Variants in PTPRT observed in about 807,000 individuals in gnomAD.
PTPRT encodes the protein protein tyrosine phosphatase receptor type T.
In PTPRT, 56 loss-of-function variants were observed where a neutral mutation model predicts 176.8. That is an observed-to-expected ratio of 0.32 (90% confidence interval 0.26 to 0.40). The LOEUF is 0.40. PTPRT is among the 10% of genes least tolerant of loss of function. The pLI, the probability that PTPRT is intolerant of heterozygous loss-of-function variation, is 1.00. For synonymous variants in PTPRT, 783 were observed against 739.0 expected (o/e 1.06, Z -0.96); for missense variants, 1,540 against 1,908.2 (o/e 0.81, Z 3.60).
At chr20:42,987,607 C>T (rs1283267486) in intron 1 of PTPRT, among the ~76,000 whole-genome samples, 2 of 152,068 alleles carry the variant, frequency 1.3e-5, no homozygotes, top group East Asian at 1.9e-4. Flanking sequence ...CAAATGTCAG[C>T]CACCTCAGAC....
intron 2 of PTPRT, among the ~76,000 whole-genome samples, chr20:42,795,355 C>T (rs1014601755): frequency 3.3e-5 from 5 of 152,134 alleles, no homozygotes; most frequent in Admixed American, 6.5e-5. Context: ...ATAAGCGCCT[C>T]GTTATTGATG....
chr20:42,172,184 T>C (rs1472519608), intron 16 of PTPRT, among the ~76,000 whole-genome samples: 1 of 151,698 alleles, frequency 6.6e-6, no homozygotes, highest in Admixed American at 6.6e-5. Flanking sequence ...TAAAAAAACA[T>C]AGTCATTGAA....
At chr20:42,052,522 T>G in the PTPRT span, among the ~76,000 whole-genome samples, 1 of 152,334 alleles carries the variant, frequency 6.6e-6, no homozygotes, top group Admixed American at 6.5e-5. Flanking sequence ...CCATACCATT[T>G]TTTTTAGATC....
Position 42,590,395 on chromosome 20 carries a change from T to C in PTPRT, c.1153+87471A>G, listed in dbSNP as rs377315393. Reference sequence around the variant, plus strand: ...CCACTAAGGTTCTGGTGACTTAGCATGCAGCAATAGATAACTGGAGCAAGC... The same window carrying C: ...CCACTAAGGTTCTGGTGACTTAGCACGCAGCAATAGATAACTGGAGCAAGC... On this transcript the variant is annotated intron_variant, in intron 7 of 30. Coordinates refer to ENST00000373187, the MANE Select transcript of PTPRT (RefSeq NM_007050.6). Among the ~76,000 whole-genome samples the C allele has an allele frequency of 2.0e-4, 30 of 152,340 alleles. No individual in the cohort carries two copies. The East Asian group carries it at 4.0e-3, about 21-fold the overall frequency.
intron 15 of PTPRT, among the ~76,000 whole-genome samples, chr20:42,217,764 T>C (rs960537236): frequency 1.3e-5 from 2 of 152,218 alleles, no homozygotes; most frequent in Admixed American, 6.5e-5. Flanking sequence ...TCAATAAAAA[T>C]GTCTCTAGAC....
intron 7 of PTPRT, among the ~76,000 whole-genome samples, chr20:42,576,445 A>C (rs2073262529): frequency 6.6e-6 from 1 of 152,196 alleles, no homozygotes; most frequent in Non-Finnish European, 1.5e-5. Context: ...GACGGGATGC[A>C]TCGGTGAGTC....
chr20:42,305,780 G>A (rs563403186), intron 12 of PTPRT, among the ~76,000 whole-genome samples: 3 of 152,326 alleles, frequency 2.0e-5, no homozygotes, highest in East Asian at 3.9e-4. Flanking sequence ...AGGTTTGGCA[G>A]GCAAGTATTC....
At chr20:42,628,487 T>G (rs1482471812) in intron 7 of PTPRT, among the ~76,000 whole-genome samples, 3 of 152,156 alleles carry the variant, frequency 2.0e-5, no homozygotes, top group Non-Finnish European at 2.9e-5. Context: ...CTTAATATGG[T>G]TGATCCTTCC....
intron 7 of PTPRT, among the ~76,000 whole-genome samples, chr20:42,529,413 AAGG>A (rs1292981823): frequency 6.6e-6 from 1 of 152,168 alleles, no homozygotes; most frequent in Non-Finnish European, 1.5e-5. Flanking sequence ...AGAATGGGAG[AAGG>A]AGGAGCCAAC....
intron 7 of PTPRT, among the ~76,000 whole-genome samples, chr20:42,496,754 T>C (rs1461029588): frequency 6.6e-6 from 1 of 152,170 alleles, no homozygotes; most frequent in African/African-American, 2.4e-5. Flanking sequence ...AGCAGTAATT[T>C]ATTGTTTCAA....
chr20:42,350,515 C>G (rs182816656), intron 11 of PTPRT, 113 bp downstream of exon 11: 7 of 920,940 alleles, frequency 7.6e-6, no homozygotes, highest in African/African-American at 1.6e-5. Context: ...TCCGAGGAAG[C>G]TTTGTTCCTG....
chr20:42,984,830 A>C (rs987894668), intron 1 of PTPRT, among the ~76,000 whole-genome samples: 1 of 152,262 alleles, frequency 6.6e-6, no homozygotes, highest in Non-Finnish European at 1.5e-5. Context: ...AGTTCAAGAA[A>C]GACTCAAGAC....
the PTPRT span, among the ~76,000 whole-genome samples, chr20:42,040,244 C>T: frequency 6.6e-6 from 1 of 152,144 alleles, no homozygotes; most frequent in Non-Finnish European, 1.5e-5. Flanking sequence ...TCCAACCTAG[C>T]CATGGAGACA....
At chr20:42,300,150 C>G (rs572542820) in intron 12 of PTPRT, among the ~76,000 whole-genome samples, 4 of 149,826 alleles carry the variant, frequency 2.7e-5, no homozygotes, top group African/African-American at 7.4e-5. Context: ...CCCAGCTACT[C>G]AGGAGGCTGA....
At chr20:43,162,806 T>G (rs1474784397) in intron 1 of PTPRT, among the ~76,000 whole-genome samples, 1 of 126,724 alleles carries the variant, frequency 7.9e-6, no homozygotes, top group Non-Finnish European at 1.9e-5. Context: ...CTCTTCTGTC[T>G]GCTCCCCATC....
At chr20:42,987,556 C>T (rs1460303167) in intron 1 of PTPRT, among the ~76,000 whole-genome samples, 1 of 152,160 alleles carries the variant, frequency 6.6e-6, no homozygotes, top group Non-Finnish European at 1.5e-5. Flanking sequence ...CATGCTGTCA[C>T]ACTCCAGCCA....
chr20:43,093,373 G>T (rs1463275151), intron 1 of PTPRT, among the ~76,000 whole-genome samples: 3 of 152,228 alleles, frequency 2.0e-5, no homozygotes, highest in Non-Finnish European at 4.4e-5. Context: ...GAAAGTTTTA[G>T]TTGTACGTTG....
In PTPRT at chr20:42,076,900, C is replaced by T. The variant is rs1036910812; in HGVS notation, c.*3979G>A. On this transcript the variant is annotated 3_prime_UTR_variant, in exon 31 of 31. Transcript: ENST00000373187. ...TTTATCCACTGACGTATCTGTTCCA[C>T]TCTAGTCTCTTCTGTTATGGGTAAC... is the stretch of plus-strand genomic sequence containing the variant. 5.0e-6 allele frequency: 1 copy of T among 198,548 alleles called. No individual in the cohort carries two copies. The highest frequency in any genetic ancestry group is 2.3e-5 in the African/African-American group (1 of 43,386). The allele number at this position is 198,548 out of a possible 1,614,324, so 12.3% of individuals were successfully genotyped here. A position where few individuals can be genotyped will look rare whatever the true frequency, so the allele number is the denominator to read the frequency against.
intron 6 of PTPRT, among the ~76,000 whole-genome samples, chr20:42,735,872 C>T (rs4812639): frequency 0.67 from 102,208 of 151,926 alleles, 34,714 homozygotes; most frequent in East Asian, 0.85. Flanking sequence ...CCCTCAACTT[C>T]ACTCTAGTTG....
Sources: gnomAD v4.1 joint callset for allele counts (sites outside exome capture counted in the v4.1 genomes callset) on GRCh38, gnomAD v4.1.1 for gene constraint, MANE v1.5 for transcripts, NCBI Gene and HGNC (gene_info 2026-07-23, HGNC 2026-07-21) for gene names.